POT1: variants seen among roughly 807,000 people sequenced by gnomAD.
The protein encoded by POT1 is protection of telomeres 1.
Under a neutral mutation model 78.5 loss-of-function variants are expected in POT1, and 47 were observed. That is an observed-to-expected ratio of 0.60 (90% CI 0.47 to 0.76). The LOEUF is 0.76. Ranked by LOEUF, POT1 falls within the 30% of genes least tolerant of loss-of-function variation. POT1 has a pLI of 0.00. For synonymous variants in POT1, 259 were observed against 260.7 expected (o/e 0.99, Z 0.06); for missense variants, 646 against 749.9 (o/e 0.86, Z 1.62).
intron 2 of POT1, among the ~76,000 whole-genome samples, chr7:124,927,962 T>C (rs1351460529): frequency 2.0e-5 from 3 of 152,186 alleles, no homozygotes; most frequent in Admixed American, 6.5e-5. Context: ...CTCTACTTCA[T>C]ATCATCAATA....
intron 15 of POT1, among the ~76,000 whole-genome samples, chr7:124,830,288 CATA>C (rs1437425372): frequency 1.3e-5 from 2 of 151,986 alleles, no homozygotes; most frequent in South Asian, 2.1e-4. Flanking sequence ...TATGCATCAT[CATA>C]ATGTTTATGA....
chr7:124,839,014 A>G (rs1416076500), intron 14 of POT1, among the ~76,000 whole-genome samples: 3 of 152,232 alleles, frequency 2.0e-5, no homozygotes, highest in African/African-American at 4.8e-5. Context: ...ATACTCAAGA[A>G]AAAGAAGAAA....
intron 4 of POT1, among the ~76,000 whole-genome samples, chr7:124,897,652 A>G (rs749695042): frequency 4.0e-5 from 6 of 151,866 alleles, no homozygotes; most frequent in Non-Finnish European, 7.4e-5. Flanking sequence ...TGATCACTCT[A>G]ACTGCAAATT....
At position 124,890,881 on chromosome 7, in the gene POT1, A is replaced by G. The variant is rs192631526; in HGVS notation, c.124+1385T>C. Reference sequence around the variant, plus strand: ...CTAGTTTGATTTTATTGAAGTCAGAAAAGATCTTGCTATTTTAAATTTATT... The same window carrying G: ...CTAGTTTGATTTTATTGAAGTCAGAGAAGATCTTGCTATTTTAAATTTATT... On this transcript the variant is annotated intron_variant, in intron 6 of 18. Coordinates refer to ENST00000357628, the MANE Select transcript of POT1 (RefSeq NM_015450.3). Among the ~76,000 whole-genome samples the G allele has an allele frequency of 1.2e-3, 183 of 151,934 alleles. 3 individuals carry two copies. In the South Asian group the frequency reaches 0.031, roughly 25 times the overall value.
chr7:124,927,006 G>A (rs1797291424), intron 2 of POT1, among the ~76,000 whole-genome samples: 1 of 152,150 alleles, frequency 6.6e-6, no homozygotes. Flanking sequence ...CAGATGCACT[G>A]AAGGCCCTTA....
At chr7:124,840,060 T>A (rs568482433) in intron 14 of POT1, among the ~76,000 whole-genome samples, 24 of 151,872 alleles carry the variant, frequency 1.6e-4, no homozygotes, top group African/African-American at 5.3e-4. Context: ...GGTACAGAGA[T>A]TTTCCGTATC....
chr7:124,853,219 T>C, intron 9 of POT1, 81 bp from the exon 10 acceptor site: 2 of 1,070,416 alleles, frequency 1.9e-6, no homozygotes, highest in Non-Finnish European at 2.7e-6. Flanking sequence ...ATAACCAATA[T>C]GGGGCCAATG....
intron 3 of POT1, among the ~76,000 whole-genome samples, chr7:124,902,592 T>C (rs990196422): frequency 6.6e-6 from 1 of 152,144 alleles, no homozygotes; most frequent in African/African-American, 2.4e-5. Context: ...TAAAGACCAT[T>C]GAGGCTAGGA....
intron 6 of POT1, among the ~76,000 whole-genome samples, chr7:124,874,548 C>T (rs537358827): frequency 2.6e-5 from 4 of 152,044 alleles, no homozygotes; most frequent in South Asian, 2.1e-4. Context: ...GCCTGGCCAA[C>T]GTGGTGAAAC....
intron 2 of POT1, among the ~76,000 whole-genome samples, chr7:124,921,426 T>C (rs1369938464): frequency 6.6e-6 from 1 of 152,070 alleles, no homozygotes; most frequent in East Asian, 1.9e-4. Context: ...AAAGACCAGC[T>C]GTAATTCATA....
chr7:124,834,190 C>A (rs1794836835), intron 15 of POT1, among the ~76,000 whole-genome samples: 1 of 152,070 alleles, frequency 6.6e-6, no homozygotes, highest in African/African-American at 2.4e-5. Context: ...AGGACATAGG[C>A]ATGGGCAAAG....
chr7:124,875,037 C>G (rs1795956094), intron 6 of POT1, among the ~76,000 whole-genome samples: 1 of 152,032 alleles, frequency 6.6e-6, no homozygotes, highest in Admixed American at 6.6e-5. Flanking sequence ...GACCCATTGG[C>G]TCCAGTTTTA....
chr7:124,832,129 T>C (rs1199901431), intron 15 of POT1, among the ~76,000 whole-genome samples: 3 of 151,016 alleles, frequency 2.0e-5, no homozygotes, highest in South Asian at 4.2e-4. Flanking sequence ...TGTGGTGGTG[T>C]GCACCTGTAG....
intron 4 of POT1, among the ~76,000 whole-genome samples, chr7:124,898,057 T>C (rs1429295063): frequency 5.3e-5 from 8 of 151,908 alleles, no homozygotes; most frequent in African/African-American, 1.9e-4. Context: ...TTATTAAATA[T>C]AAAGGAATTC....
intron 3 of POT1, among the ~76,000 whole-genome samples, chr7:124,901,208 G>A (rs1011792188): frequency 1.3e-5 from 2 of 152,188 alleles, no homozygotes; most frequent in Non-Finnish European, 2.9e-5. Flanking sequence ...CCTCAAGTGG[G>A]TCCCTGACCC....
chr7:124,907,987 CTA>C, intron 3 of POT1, among the ~76,000 whole-genome samples: 1 of 151,922 alleles, frequency 6.6e-6, no homozygotes, highest in Non-Finnish European at 1.5e-5. Context: ...ATAGCATAAA[CTA>C]CAAGACTCAT....
chr7:124,850,741 C>A (rs1327833598), intron 11 of POT1, among the ~76,000 whole-genome samples: 1 of 151,166 alleles, frequency 6.6e-6, no homozygotes, highest in South Asian at 2.1e-4. Flanking sequence ...CAAAAAAAAA[C>A]AAAACAAACA....
At chr7:124,881,269 A>G (rs1796112200) in intron 6 of POT1, among the ~76,000 whole-genome samples, 1 of 151,964 alleles carries the variant, frequency 6.6e-6, no homozygotes, top group South Asian at 2.1e-4. Context: ...TGTTATGCCA[A>G]TATTAAGTGC....
chr7:124,836,324 C>G (rs1794899570), intron 14 of POT1, among the ~76,000 whole-genome samples: 1 of 152,186 alleles, frequency 6.6e-6, no homozygotes, highest in African/African-American at 2.4e-5. Context: ...TTGCCCTGTT[C>G]CCATCCTCCT....
Sources: allele counts gnomAD v4.1 joint callset (sites outside exome capture counted in the v4.1 genomes callset), GRCh38; gene constraint gnomAD v4.1.1; transcripts MANE v1.5; gene names NCBI Gene and HGNC (gene_info 2026-07-23, HGNC 2026-07-21).